The following JAM3 variants were observed in gnomAD, a reference collection of about 807,000 sequenced individuals.
The protein encoded by JAM3 is junctional adhesion molecule C.
A neutral mutation model predicts 39.4 loss-of-function variants in JAM3; 31 were observed. That is an observed-to-expected ratio of 0.79 (90% confidence interval 0.59 to 1.06). The LOEUF (loss-of-function observed/expected upper bound fraction) is 1.06. Ranked by LOEUF, JAM3 falls within the 50% of genes least tolerant of loss-of-function variation. JAM3 has a pLI of 0.00. For missense variants in JAM3, 455 were observed against 391.4 expected (o/e 1.16, Z -1.37); for synonymous variants, 182 against 148.7 (o/e 1.22, Z -1.63).
At chr11:134,146,603 T>C (rs1943076788) in intron 6 of JAM3, among the ~76,000 whole-genome samples, 1 of 152,104 alleles carries the variant, frequency 6.6e-6, no homozygotes, top group Admixed American at 6.5e-5. Flanking sequence ...GGTCTTGCTT[T>C]GTTGCCCAGG....
At chr11:134,103,844 AC>A (rs1369037318) in intron 1 of JAM3, among the ~76,000 whole-genome samples, 1 of 152,192 alleles carries the variant, frequency 6.6e-6, no homozygotes, top group African/African-American at 2.4e-5. Flanking sequence ...ATACAGGAGC[AC>A]CCAGATTCAT....
chr11:134,136,005 G>A (rs1164426744), intron 1 of JAM3, among the ~76,000 whole-genome samples: 1 of 151,974 alleles, frequency 6.6e-6, no homozygotes, highest in Non-Finnish European at 1.5e-5. Context: ...GGGAGGCGGA[G>A]GTTACATTGA....
intron 1 of JAM3, among the ~76,000 whole-genome samples, chr11:134,137,953 C>T (rs113174919): frequency 2.8e-4 from 22 of 78,404 alleles, no homozygotes; most frequent in African/African-American, 1.1e-3. Context: ...CCAGTGGTGG[C>T]GTCTCGTCGA....
At chr11:134,121,689 T>G (rs1942535309) in intron 1 of JAM3, among the ~76,000 whole-genome samples, 1 of 152,166 alleles carries the variant, frequency 6.6e-6, no homozygotes, top group Non-Finnish European at 1.5e-5. Context: ...ACATTAGTCT[T>G]TAATTTAAAA....
intron 1 of JAM3, among the ~76,000 whole-genome samples, chr11:134,138,804 T>G (rs938980378): frequency 6.6e-6 from 1 of 152,250 alleles, no homozygotes; most frequent in African/African-American, 2.4e-5. Context: ...AATTATTGTT[T>G]AGGGCTTTTG....
intron 1 of JAM3, among the ~76,000 whole-genome samples, chr11:134,095,067 G>T (rs1475927557): frequency 6.6e-6 from 1 of 152,192 alleles, no homozygotes; most frequent in Non-Finnish European, 1.5e-5. Context: ...CATGTGCTGT[G>T]TTAAATTTAG....
At chr11:134,148,432 A>G in intron 6 of JAM3, 115 bp from the exon 7 acceptor site, 3 of 1,329,146 alleles carry the variant, frequency 2.3e-6, no homozygotes, top group East Asian at 2.3e-5. Context: ...GGTAGGCCTG[A>G]GGGGGCAGGG....
At chr11:134,131,449 C>T (rs1233808179) in intron 1 of JAM3, among the ~76,000 whole-genome samples, 1 of 151,896 alleles carries the variant, frequency 6.6e-6, no homozygotes, top group Non-Finnish European at 1.5e-5. Context: ...GGAGGGGGGA[C>T]AATCTGATTT....
At chr11:134,069,909 C>T (rs1449129522) in intron 1 of JAM3, among the ~76,000 whole-genome samples, 2 of 152,140 alleles carry the variant, frequency 1.3e-5, no homozygotes, top group Non-Finnish European at 2.9e-5. Context: ...CTGGCCTGGC[C>T]GAGGAGACCA....
At chr11:134,140,408 C>A (rs994233653) in intron 2 of JAM3, among the ~76,000 whole-genome samples, 2 of 152,104 alleles carry the variant, frequency 1.3e-5, no homozygotes, top group African/African-American at 4.8e-5. Context: ...CCGCGCCTGG[C>A]CAAGAAATTT....
chr11:134,084,632 T>C (rs1941718750), intron 1 of JAM3, among the ~76,000 whole-genome samples: 1 of 152,212 alleles, frequency 6.6e-6, no homozygotes, highest in African/African-American at 2.4e-5. Context: ...CTGTGCTTGT[T>C]CCTGCCAGTA....
chr11:134,102,438 A>G (rs547845160), intron 1 of JAM3, among the ~76,000 whole-genome samples: 44 of 152,324 alleles, frequency 2.9e-4, no homozygotes, highest in African/African-American at 1.1e-3. Flanking sequence ...AAAGCTGAAA[A>G]TTCTAAAAAT....
chr11:134,118,901 G>T (rs866034798), intron 1 of JAM3, among the ~76,000 whole-genome samples: 1 of 152,050 alleles, frequency 6.6e-6, no homozygotes, highest in Middle Eastern at 3.4e-3. Flanking sequence ...TCTATTTAAG[G>T]TGGCTGCTAG....
In JAM3 at chr11:134,139,889, C is replaced by G. The variant is rs747424520; in HGVS notation, c.115C>G (p.Arg39Gly). The change falls in exon 2 of 9, where the codon CGA becomes GGA. Residue 39 changes from arginine to glycine, a missense_variant. By Grantham distance (125) the Arg-to-Gly change is moderately radical. Coordinates refer to ENST00000299106, the MANE Select transcript of JAM3 (RefSeq NM_032801.5). ...IGAVNLKSSN[R>G]TPVVQEFESV... Reference sequence around the variant, plus strand: ...GGCTGTAAATCTCAAATCCAGCAATCGAACCCCAGTGGTACAGGAATTTGA... The same window carrying G: ...GGCTGTAAATCTCAAATCCAGCAATGGAACCCCAGTGGTACAGGAATTTGA... 3.7e-6 allele frequency: 6 copies of G among 1,613,912 alleles called. No homozygotes were observed. Among genetic ancestry groups the G allele is most frequent in the Admixed American group, 1.7e-5 (1 of 60,020 alleles).
intron 6 of JAM3, 123 bp from the exon 7 acceptor site, chr11:134,148,424 T>C (rs1943119327): frequency 8.7e-7 from 1 of 1,147,530 alleles, no homozygotes; most frequent in Non-Finnish European, 1.3e-6. Flanking sequence ...CTAGCTGGGG[T>C]AGGCCTGAGG....
At chr11:134,133,450 C>T (rs755769440) in intron 1 of JAM3, among the ~76,000 whole-genome samples, 1 of 152,102 alleles carries the variant, frequency 6.6e-6, no homozygotes, top group Non-Finnish European at 1.5e-5. Context: ...TGACCTTTAT[C>T]ATCTATAGAA....
In JAM3 at chr11:134,149,198, GAGAGCGCAC is replaced by G. The variant is rs1338246409; in HGVS notation, c.*27_*35del. ...GTGATCTGAGACCCGCGGTGTGGCTGAGAGCGCACAGAGCGCACGTGCACATACCTCTGC... is the reference window on the plus strand; with the variant it reads ...GTGATCTGAGACCCGCGGTGTGGCTGAGAGCGCACGTGCACATACCTCTGC... On this transcript the variant is annotated 3_prime_UTR_variant, in exon 9 of 9. Transcript: ENST00000299106. 4 of 1,613,980 alleles carry G rather than the reference GAGAGCGCAC, an allele frequency of 2.5e-6. No individual in the cohort carries two copies. The highest frequency in any genetic ancestry group is 3.3e-5 in the Admixed American group (2 of 60,026).
At chr11:134,139,338 G>C (rs1483763154) in intron 1 of JAM3, among the ~76,000 whole-genome samples, 1 of 152,196 alleles carries the variant, frequency 6.6e-6, no homozygotes, top group Non-Finnish European at 1.5e-5. Context: ...GAACCACCGG[G>C]TTGCTCATAC....
chr11:134,146,414 T>C (rs201034312), intron 6 of JAM3, among the ~76,000 whole-genome samples: 1 of 142,640 alleles, frequency 7.0e-6, no homozygotes, highest in East Asian at 2.0e-4. Flanking sequence ...AAACTGACAG[T>C]TTTAGCCCGA....
Sources: gnomAD v4.1 joint callset for allele counts (sites outside exome capture counted in the v4.1 genomes callset) on GRCh38, gnomAD v4.1.1 for gene constraint, MANE v1.5 for transcripts, NCBI Gene and HGNC (gene_info 2026-07-23, HGNC 2026-07-21) for gene names.